KNTC1: variants seen among roughly 807,000 people sequenced by gnomAD.
KNTC1 encodes kinetochore-associated protein 1.
A neutral mutation model predicts 314.4 loss-of-function variants in KNTC1; 253 were observed. The observed-to-expected ratio is 0.80, with a 90% CI of 0.73 to 0.89. The LOEUF (loss-of-function observed/expected upper bound fraction) is 0.89. Among genes scored for constraint, KNTC1 ranks in the 40% least tolerant of loss-of-function variants. The pLI, the probability that KNTC1 is intolerant of heterozygous loss-of-function variation, is 0.00. For missense variants in KNTC1, 2,475 were observed against 2,572.9 expected (o/e 0.96, Z 0.82); for synonymous variants, 901 against 901.4 (o/e 1.00, Z 0.01).
At chr12:122,610,172 C>T (rs1431262638) in intron 52 of KNTC1, among the ~76,000 whole-genome samples, 3 of 152,182 alleles carry the variant, frequency 2.0e-5, no homozygotes, top group Non-Finnish European at 4.4e-5. Context: ...CCTCTGGACC[C>T]GCACCTTGGC....
intron 20 of KNTC1, 87 bp from the exon 21 acceptor site, chr12:122,568,170 CTAAT>C (rs1964466316): frequency 1.5e-6 from 1 of 677,450 alleles, no homozygotes; most frequent in Non-Finnish European, 2.6e-6. Context: ...AAGAAGAAAA[CTAAT>C]TAAAATGCAT....
intron 21 of KNTC1, among the ~76,000 whole-genome samples, chr12:122,569,464 G>T (rs1964551887): frequency 6.6e-6 from 1 of 152,102 alleles, no homozygotes. Context: ...TGGTTCTTCT[G>T]CTACATGATA....
intron 37 of KNTC1, 114 bp from the exon 38 acceptor site, chr12:122,586,587 T>G (rs951941886): frequency 3.4e-6 from 1 of 291,612 alleles, no homozygotes; most frequent in Admixed American, 5.1e-5. Context: ...GTTGTATGAA[T>G]TTAAGGGGTC....
At chr12:122,548,502 G>A (rs1475574872) in intron 12 of KNTC1, among the ~76,000 whole-genome samples, 3 of 152,008 alleles carry the variant, frequency 2.0e-5, no homozygotes, top group Admixed American at 6.6e-5. Flanking sequence ...GAGCCACTGC[G>A]CCCGGCCCAG....
intron 51 of KNTC1, among the ~76,000 whole-genome samples, chr12:122,608,846 C>T (rs767147738): frequency 2.0e-5 from 3 of 151,928 alleles, no homozygotes; most frequent in African/African-American, 4.8e-5. Flanking sequence ...TTGTTTGAGG[C>T]GAGGGGTTTG....
chr12:122,552,539 A>AT lies in KNTC1; in HGVS notation c.1272+849dup, dbSNP rs573945764. On this transcript the variant is annotated intron_variant, in intron 16 of 63. Transcript: ENST00000333479. Reference sequence around the variant, plus strand: ...ACCACCATGCCCAACTAATTTTTAAATTTTTTGTAGAGACAAGGTTTTCCA... The same window carrying AT: ...ACCACCATGCCCAACTAATTTTTAAATTTTTTTGTAGAGACAAGGTTTTCCA... Among the ~76,000 whole-genome samples the AT allele has an allele frequency of 1.1e-4, 17 of 151,908 alleles. 1 individual carries two copies. Among genetic ancestry groups the AT allele is most frequent in the Non-Finnish European group, 2.2e-4 (15 of 67,938 alleles).
At chr12:122,544,098 G>A (rs143511890) in intron 7 of KNTC1, 61 bp from the exon 8 acceptor site, 10 of 693,462 alleles carry the variant, frequency 1.4e-5, no homozygotes, top group Admixed American at 2.9e-5. Context: ...ACTGATTTTA[G>A]TGATTTTATG....
chr12:122,573,239 G>C lies in KNTC1; in HGVS notation c.2237G>C (p.Arg746Thr), dbSNP rs367576553. Residue 746 changes from arginine (R) to threonine (T), a missense_variant, in exon 26 of 64, where the codon AGA (arginine) becomes ACA (threonine). Arg to Thr is a moderately conservative substitution (Grantham distance 71). Transcript: ENST00000333479. The part of the protein sequence containing the change: ...ILEKFIRVYM[R>T]EHDLQEEELL... ...GAGAAGTTTATAAGAGTTTACATGA[G>C]AGAACATGACTTGCAAGAGGAGGAA... 2.5e-6 allele frequency: 4 copies of C among 1,613,876 alleles called. No homozygotes were observed. The East Asian group carries it at 8.9e-5, about 36-fold the overall frequency.
At chr12:122,533,896 C>T (rs79865605) in intron 2 of KNTC1, among the ~76,000 whole-genome samples, 1,626 of 150,626 alleles carry the variant, frequency 0.011, 56 homozygotes, top group African/African-American at 0.039. Flanking sequence ...TACGTGAATT[C>T]GTTTAATCTT....
At chr12:122,567,574 C>T (rs1050439934) in intron 20 of KNTC1, among the ~76,000 whole-genome samples, 1 of 152,056 alleles carries the variant, frequency 6.6e-6, no homozygotes, top group Admixed American at 6.6e-5. Context: ...CACGGTGGCT[C>T]ATGCCTGTAA....
chr12:122,570,375 C>T (rs1051401550), intron 22 of KNTC1, among the ~76,000 whole-genome samples: 10 of 151,492 alleles, frequency 6.6e-5, no homozygotes, highest in African/African-American at 9.7e-5. Flanking sequence ...AAAAATTAGC[C>T]GGGCATGGTG....
At chr12:122,544,374 A>G in intron 8 of KNTC1, 105 bp downstream of exon 8, 1 of 615,058 alleles carries the variant, frequency 1.6e-6, no homozygotes, top group South Asian at 2.0e-5. Flanking sequence ...ATATAACCGA[A>G]ACAAGGAAAT....
chr12:122,605,185 A>G (rs1292358613), intron 50 of KNTC1, 98 bp downstream of exon 50: 1 of 1,111,702 alleles, frequency 9.0e-7, no homozygotes, highest in Non-Finnish European at 1.3e-6. Flanking sequence ...TTACTTACAT[A>G]TGCTTATATA....
intron 16 of KNTC1, among the ~76,000 whole-genome samples, chr12:122,555,124 A>G (rs1300541142): frequency 6.6e-6 from 1 of 152,170 alleles, no homozygotes; most frequent in Non-Finnish European, 1.5e-5. Context: ...CTTGGGTCTC[A>G]GTTTTCTTGT....
chr12:122,574,169 T>A (rs924520436), intron 26 of KNTC1, 113 bp from the exon 27 acceptor site: 13 of 595,654 alleles, frequency 2.2e-5, no homozygotes, highest in African/African-American at 1.9e-4. Context: ...TTAGGTTTTT[T>A]TTCTTTTAAC....
intron 21 of KNTC1, among the ~76,000 whole-genome samples, chr12:122,569,350 A>G (rs917284496): frequency 5.9e-5 from 9 of 152,212 alleles, no homozygotes; most frequent in Non-Finnish European, 1.3e-4. Flanking sequence ...AGAACATTAG[A>G]TCCATAAAGT....
At position 122,575,639 on chromosome 12, in the gene KNTC1, C is replaced by T; in HGVS notation, c.2479C>T (p.His827Tyr). ...GGTGAAACAGCACCTGGAAATGGAC[C>T]ATCCCAAGTAAGATGACTGTCTACG... ...QLVKQHLEMD[H>Y]PKVKLLQESY... Residue 827 changes from histidine to tyrosine, a missense_variant, in exon 28 of 64, where the codon CAT becomes TAT. Coordinates refer to ENST00000333479, the MANE Select transcript of KNTC1 (RefSeq NM_014708.6). The T allele has an allele frequency of 6.3e-7, 1 of 1,586,672 alleles. No individual in the cohort carries two copies. The highest frequency in any genetic ancestry group is 8.6e-7 in the Non-Finnish European group (1 of 1,164,428).
intron 57 of KNTC1, among the ~76,000 whole-genome samples, chr12:122,615,748 T>C (rs1407940532): frequency 3.9e-5 from 6 of 152,070 alleles, no homozygotes; most frequent in African/African-American, 1.4e-4. Flanking sequence ...GATTGCACCA[T>C]TGCACTCCAG....
chr12:122,597,829 A>G lies in KNTC1; in HGVS notation c.4454A>G (p.Asp1485Gly). Residue 1485 changes from aspartate (D) to glycine (G), a missense_variant, in exon 44 of 64, where the codon GAC (aspartate) becomes GGC (glycine). Physicochemically the swap from Asp to Gly is moderately conservative, Grantham distance 94. Transcript: ENST00000333479. ...AGQGQGDASMDSAKRRHPKLL... is the reference protein window; with the variant it reads ...AGQGQGDASMGSAKRRHPKLL... ...CAAGGCCAGGGAGATGCAAGCATGGACTCTGCAAAGCGGCGGCATCCCAAA... is the reference window on the plus strand; with the variant it reads ...CAAGGCCAGGGAGATGCAAGCATGGGCTCTGCAAAGCGGCGGCATCCCAAA... 6.2e-7 allele frequency: 1 copy of G among 1,613,978 alleles called. No individual in the cohort carries two copies. The highest frequency in any genetic ancestry group is 1.1e-5 in the South Asian group (1 of 91,080).
Sources: allele counts gnomAD v4.1 joint callset (sites outside exome capture counted in the v4.1 genomes callset), GRCh38; gene constraint gnomAD v4.1.1; transcripts MANE v1.5; gene names NCBI Gene and HGNC (gene_info 2026-07-23, HGNC 2026-07-21).